PIK3C2G: variants seen among roughly 807,000 people sequenced by gnomAD.
PIK3C2G encodes phosphatidylinositol 3-kinase C2 domain-containing subunit gamma.
Under a neutral mutation model 181.1 loss-of-function variants are expected in PIK3C2G, and 168 were observed. The observed-to-expected ratio is 0.93, with a 90% CI of 0.82 to 1.05. PIK3C2G has a LOEUF of 1.05. Ranked by LOEUF, PIK3C2G falls within the 50% of genes least tolerant of loss-of-function variation. The pLI, the probability that PIK3C2G is intolerant of heterozygous loss-of-function variation, is 0.00. For synonymous variants in PIK3C2G, 573 were observed against 592.2 expected, an observed-to-expected ratio of 0.97 and a Z score of 0.47; for missense variants, 1,869 against 1,732.8, an observed-to-expected ratio of 1.08 and a Z score of -1.40.
At chr12:18,371,524 T>C (rs1942063986) in intron 13 of PIK3C2G, among the ~76,000 whole-genome samples, 1 of 152,180 alleles carries the variant, frequency 6.6e-6, no homozygotes, top group African/African-American at 2.4e-5. Flanking sequence ...ACTTGTCAGC[T>C]GGATCATTTA....
At chr12:18,387,382 C>T (rs1167432692) in intron 14 of PIK3C2G, among the ~76,000 whole-genome samples, 1 of 152,178 alleles carries the variant, frequency 6.6e-6, no homozygotes, top group Admixed American at 6.5e-5. Context: ...AGCATGACCC[C>T]TGTCCCATCG....
At chr12:18,291,259 T>A (rs1040587273) in intron 4 of PIK3C2G, among the ~76,000 whole-genome samples, 1 of 152,226 alleles carries the variant, frequency 6.6e-6, no homozygotes, top group African/African-American at 2.4e-5. Flanking sequence ...ATAAAATGCT[T>A]AATAGCAAGT....
At chr12:18,516,702 G>T (rs1258206989) in intron 24 of PIK3C2G, among the ~76,000 whole-genome samples, 1 of 151,568 alleles carries the variant, frequency 6.6e-6, no homozygotes, top group East Asian at 1.9e-4. Flanking sequence ...TCACATATCT[G>T]GTCTTGAAGC....
At chr12:18,345,441 A>G (rs2137653892) in intron 10 of PIK3C2G, among the ~76,000 whole-genome samples, 1 of 152,320 alleles carries the variant, frequency 6.6e-6, no homozygotes, top group Non-Finnish European at 1.5e-5. Context: ...ATTTTGTACA[A>G]ATTTATGAAT....
At chr12:18,620,035 T>A (rs903023902) in intron 31 of PIK3C2G, among the ~76,000 whole-genome samples, 10 of 152,132 alleles carry the variant, frequency 6.6e-5, no homozygotes, top group Non-Finnish European at 8.8e-5. Context: ...CTTAATTTTT[T>A]AAAATATATT....
chr12:18,290,248 A>G (rs935564135), intron 3 of PIK3C2G, among the ~76,000 whole-genome samples: 11 of 152,176 alleles, frequency 7.2e-5, no homozygotes, highest in African/African-American at 2.7e-4. Context: ...TTCTGGCTCC[A>G]AGGATAAACT....
At chr12:18,709,138 A>G in the PIK3C2G span, among the ~76,000 whole-genome samples, 1 of 152,084 alleles carries the variant, frequency 6.6e-6, no homozygotes, top group Non-Finnish European at 1.5e-5. Context: ...TAGGGTTTTC[A>G]TAGTTTCTAA....
chr12:18,283,783 C>T (rs1039014968), intron 2 of PIK3C2G, among the ~76,000 whole-genome samples: 11 of 152,002 alleles, frequency 7.2e-5, no homozygotes, highest in African/African-American at 2.7e-4. Flanking sequence ...AGTGTAATAA[C>T]TACTAAACTT....
chr12:18,305,408 G>T (rs955750671), intron 5 of PIK3C2G, among the ~76,000 whole-genome samples: 1 of 152,126 alleles, frequency 6.6e-6, no homozygotes, highest in Non-Finnish European at 1.5e-5. Context: ...CGAAGCTGTT[G>T]CAAGAGTGTT....
intron 30 of PIK3C2G, among the ~76,000 whole-genome samples, chr12:18,598,219 G>A (rs1223556684): frequency 6.6e-6 from 1 of 151,802 alleles, no homozygotes; most frequent in Non-Finnish European, 1.5e-5. Context: ...GAACAAAGCT[G>A]GAGGCATCAC....
chr12:18,356,368 C>T (rs576628483), intron 11 of PIK3C2G, among the ~76,000 whole-genome samples: 90 of 152,196 alleles, frequency 5.9e-4, no homozygotes, highest in African/African-American at 2.0e-3. Context: ...GGGAACACGC[C>T]GGTGACTGGG....
chr12:18,280,424 A>G (rs548132705), intron 1 of PIK3C2G, among the ~76,000 whole-genome samples: 15 of 152,198 alleles, frequency 9.9e-5, no homozygotes, highest in African/African-American at 3.4e-4. Flanking sequence ...TAATATTTCA[A>G]TTAAATCCTG....
chr12:18,334,032 T>C (rs1938254902), intron 8 of PIK3C2G, among the ~76,000 whole-genome samples: 1 of 152,142 alleles, frequency 6.6e-6, no homozygotes. Context: ...AGTATTAGCA[T>C]ATGGCTCCTT....
chr12:18,553,631 T>C (rs1944849688), intron 26 of PIK3C2G, among the ~76,000 whole-genome samples: 1 of 152,070 alleles, frequency 6.6e-6, no homozygotes, highest in Admixed American at 6.6e-5. Flanking sequence ...TGTTAGTCTT[T>C]AAGCCATATC....
intron 16 of PIK3C2G, among the ~76,000 whole-genome samples, chr12:18,417,470 C>T (rs1023484999): frequency 4.6e-5 from 7 of 152,026 alleles, no homozygotes; most frequent in African/African-American, 9.7e-5. Flanking sequence ...AAGAGTCAAT[C>T]GATTCAAGCT....
At chr12:18,619,609 TTTTC>T (rs796223257) in intron 31 of PIK3C2G, among the ~76,000 whole-genome samples, 4 of 152,316 alleles carry the variant, frequency 2.6e-5, no homozygotes, top group African/African-American at 9.6e-5. Context: ...CCTTTTGATT[TTTTC>T]TTTGTCTTTG....
chr12:18,690,614 A>T, the PIK3C2G span, among the ~76,000 whole-genome samples: 5,234 of 152,304 alleles, frequency 0.034, 327 homozygotes, highest in African/African-American at 0.12. Flanking sequence ...GATAAATGCC[A>T]TAATATATGC....
chr12:18,326,894 A>C (rs1951370103), intron 8 of PIK3C2G, among the ~76,000 whole-genome samples: 1 of 152,116 alleles, frequency 6.6e-6, no homozygotes, highest in African/African-American at 2.4e-5. Context: ...ATGTCTCAGC[A>C]CTGCTCACAT....
intron 29 of PIK3C2G, among the ~76,000 whole-genome samples, chr12:18,583,699 T>C (rs1315872146): frequency 6.6e-6 from 1 of 151,924 alleles, no homozygotes; most frequent in Non-Finnish European, 1.5e-5. Context: ...GCAGCACAAC[T>C]ACCCTTCCCC....
Sources: gnomAD v4.1 joint callset for allele counts (sites outside exome capture counted in the v4.1 genomes callset) on GRCh38, gnomAD v4.1.1 for gene constraint, MANE v1.5 for transcripts, NCBI Gene and HGNC (gene_info 2026-07-23, HGNC 2026-07-21) for gene names.